ASAP2: variants seen among roughly 807,000 people sequenced by gnomAD.
ASAP2 encodes the protein arf-GAP with SH3 domain, ANK repeat and PH domain-containing protein 2.
Under a neutral mutation model 131.4 loss-of-function variants are expected in ASAP2, and 45 were observed. The observed-to-expected ratio is 0.34, with a 90% CI of 0.27 to 0.44. The LOEUF (loss-of-function observed/expected upper bound fraction) is 0.44, where lower values mean the gene tolerates loss of function less well. Among genes scored for constraint, ASAP2 ranks in the 20% least tolerant of loss-of-function variants. The pLI is 1.00. For synonymous variants in ASAP2, 510 were observed against 503.0 expected, an observed-to-expected ratio of 1.01 and a Z score of -0.19; for missense variants, 1,011 against 1,297.0, an observed-to-expected ratio of 0.78 and a Z score of 3.39.
intron 1 of ASAP2, among the ~76,000 whole-genome samples, chr2:9,235,519 G>C (rs935505041): frequency 6.6e-6 from 1 of 152,192 alleles, no homozygotes; most frequent in African/African-American, 2.4e-5. Flanking sequence ...TTGTATGGCC[G>C]GAGGCTCCTT....
intron 7 of ASAP2, among the ~76,000 whole-genome samples, chr2:9,333,349 A>C (rs938921525): frequency 6.6e-6 from 1 of 152,264 alleles, no homozygotes; most frequent in Non-Finnish European, 1.5e-5. Context: ...GTTTTAAACA[A>C]TCACACTAAT....
chr2:9,405,286 A>G lies in ASAP2; in HGVS notation c.*1959A>G, dbSNP rs970590438. On this transcript the variant is annotated 3_prime_UTR_variant, in exon 28 of 28. Transcript: ENST00000281419. ...TTGCTCCTTGCAAATTAAAAAAGCA[A>G]CTAAGAGAAAGAAAAACATTGTAGA... 1.3e-5 allele frequency: 2 copies of G among 152,286 alleles called. No individual in the cohort carries two copies. Among genetic ancestry groups the G allele is most frequent in the African/African-American group, 4.8e-5 (2 of 41,464 alleles). The allele number at this position is 152,286 out of a possible 1,614,324, so 9.4% of individuals were successfully genotyped here. A position where few individuals can be genotyped will look rare whatever the true frequency, so the allele number is the denominator to read the frequency against.
At chr2:9,388,226 G>A in intron 21 of ASAP2, 68 bp from the exon 22 acceptor site, 1 of 1,593,648 alleles carries the variant, frequency 6.3e-7, no homozygotes, top group Non-Finnish European at 8.5e-7. Flanking sequence ...TCACCCCTGT[G>A]TTGAATGTTA....
intron 1 of ASAP2, among the ~76,000 whole-genome samples, chr2:9,210,445 C>T (rs1661448896): frequency 1.3e-5 from 2 of 152,176 alleles, no homozygotes; most frequent in Admixed American, 6.5e-5. Flanking sequence ...CCACAGGCCC[C>T]AGTGAGGGCT....
chr2:9,338,291 C>T (rs957881853), intron 9 of ASAP2, among the ~76,000 whole-genome samples: 3 of 138,346 alleles, frequency 2.2e-5, no homozygotes, highest in South Asian at 2.1e-4. Flanking sequence ...AGTATGGTTG[C>T]TCTCTCTCTC....
At chr2:9,366,569 A>T (rs187499798) in intron 15 of ASAP2, among the ~76,000 whole-genome samples, 3 of 152,266 alleles carry the variant, frequency 2.0e-5, no homozygotes, top group Admixed American at 2.0e-4. Context: ...TTCCTGGTGC[A>T]TAGGTACCTG....
At chr2:9,221,895 G>A (rs1431964163) in intron 1 of ASAP2, among the ~76,000 whole-genome samples, 1 of 152,030 alleles carries the variant, frequency 6.6e-6, no homozygotes, top group Non-Finnish European at 1.5e-5. Flanking sequence ...CCAGGTTCAC[G>A]CCATTCTCCT....
At chr2:9,255,247 T>G (rs1291784755) in intron 1 of ASAP2, among the ~76,000 whole-genome samples, 1 of 152,230 alleles carries the variant, frequency 6.6e-6, no homozygotes, top group South Asian at 2.1e-4. Flanking sequence ...TCTCAGATCA[T>G]ACAATGCATC....
At chr2:9,267,201 T>A (rs1005628564) in intron 1 of ASAP2, among the ~76,000 whole-genome samples, 1 of 152,184 alleles carries the variant, frequency 6.6e-6, no homozygotes, top group Non-Finnish European at 1.5e-5. Context: ...CTACGTGGGA[T>A]ATATTGCATG....
intron 1 of ASAP2, among the ~76,000 whole-genome samples, chr2:9,265,126 A>G (rs1665855968): frequency 6.6e-6 from 1 of 152,246 alleles, no homozygotes; most frequent in Admixed American, 6.5e-5. Flanking sequence ...ACAAAGTGAG[A>G]TCCTATCTCA....
At chr2:9,289,021 T>G (rs1667632863) in intron 2 of ASAP2, among the ~76,000 whole-genome samples, 1 of 152,224 alleles carries the variant, frequency 6.6e-6, no homozygotes, top group Non-Finnish European at 1.5e-5. Flanking sequence ...CCTTTCCCCA[T>G]AGAGTGCTGT....
chr2:9,356,357 A>ACCC lies in ASAP2; in HGVS notation c.1327+14_1327+16dup, dbSNP rs1159023118. The ACCC allele has an allele frequency of 6.4e-7, 1 of 1,561,944 alleles. No individual in the cohort carries two copies. The highest frequency in any genetic ancestry group is 8.6e-7 in the Non-Finnish European group (1 of 1,156,496). On this transcript the variant is annotated intron_variant, in intron 14 of 27. Transcript: ENST00000281419. ...CTGTGGGGCGCCAGGTGACCCAGGG[A>ACCC]CCCCACCCGACCCTGGGCTCTAGGA...
chr2:9,348,947 C>T (rs940277937), intron 11 of ASAP2, among the ~76,000 whole-genome samples: 2 of 152,116 alleles, frequency 1.3e-5, no homozygotes, highest in Admixed American at 6.6e-5. Flanking sequence ...AGTTGAGCCC[C>T]GAGCCCTGGA....
chr2:9,328,704 C>T (rs914301485), intron 7 of ASAP2, among the ~76,000 whole-genome samples: 4 of 152,144 alleles, frequency 2.6e-5, no homozygotes, highest in Non-Finnish European at 4.4e-5. Flanking sequence ...TCCTCGACCC[C>T]CAGTCACTGA....
At chr2:9,350,469 T>G (rs1258253877) in intron 11 of ASAP2, 3 of 201,368 alleles carry the variant, frequency 1.5e-5, no homozygotes, top group African/African-American at 6.9e-5. Context: ...TCGGTAGGAA[T>G]CAGAACTGAA....
chr2:9,273,663 A>G (rs1391902141), intron 1 of ASAP2, among the ~76,000 whole-genome samples: 1 of 151,948 alleles, frequency 6.6e-6, no homozygotes, highest in Non-Finnish European at 1.5e-5. Context: ...TCGGAGATGA[A>G]CTCATAGGCA....
Position 9,327,861 on chromosome 2 carries a change from G to A in ASAP2, c.636G>A (p.Lys212=). The change falls in exon 7 of 28, where the codon AAG becomes AAA. Residue 212 remains lysine (K), a synonymous_variant. Coordinates refer to ENST00000281419, the MANE Select transcript of ASAP2 (RefSeq NM_003887.3). The part of the protein sequence containing the change: ...LLKVNEIKIK[K]GVDLLQNLIK... The stretch of plus-strand genomic sequence containing the variant: ...AGGTCAACGAAATCAAGATTAAAAA[G>A]GGAGTAGATTTACTTCAGAATCTGA... The A allele has an allele frequency of 6.3e-7, 1 of 1,584,164 alleles. No homozygotes were observed. Among genetic ancestry groups the A allele is most frequent in the Non-Finnish European group, 8.5e-7 (1 of 1,169,904 alleles).
At chr2:9,244,345 A>G (rs1348066013) in intron 1 of ASAP2, among the ~76,000 whole-genome samples, 1 of 152,246 alleles carries the variant, frequency 6.6e-6, no homozygotes, top group Non-Finnish European at 1.5e-5. Context: ...TTTCCACCAT[A>G]CAGTACCTTA....
chr2:9,211,807 G>A (rs1437761755), intron 1 of ASAP2, among the ~76,000 whole-genome samples: 9 of 152,210 alleles, frequency 5.9e-5, no homozygotes, highest in African/African-American at 2.2e-4. Context: ...GATTCTGAAT[G>A]TTAGCCCTTT....
Sources: allele counts gnomAD v4.1 joint callset (sites outside exome capture counted in the v4.1 genomes callset), GRCh38; gene constraint gnomAD v4.1.1; transcripts MANE v1.5; gene names NCBI Gene and HGNC (gene_info 2026-07-23, HGNC 2026-07-21).